The following TNRC18 variants were observed in gnomAD, a reference collection of about 807,000 sequenced individuals.
The protein encoded by TNRC18 is trinucleotide repeat-containing gene 18 protein.
In TNRC18, 69 loss-of-function variants were observed where a neutral mutation model predicts 226.7. That is an observed-to-expected ratio of 0.30 (90% CI 0.25 to 0.37). The LOEUF is 0.37. Among genes scored for constraint, TNRC18 ranks in the 10% least tolerant of loss-of-function variants. TNRC18 has a pLI of 1.00. For missense variants in TNRC18, 4,754 were observed against 4,256.6 expected (o/e 1.12, Z -3.25); for synonymous variants, 2,449 against 1,927.6 (o/e 1.27, Z -7.09).
chr7:5,330,589 A>G (rs1789423684), intron 19 of TNRC18, among the ~76,000 whole-genome samples: 1 of 151,756 alleles, frequency 6.6e-6, no homozygotes. Context: ...CATAGGAGAA[A>G]CCCACTTCAC....
At position 5,345,710 on chromosome 7, in the gene TNRC18, T is replaced by G. The variant is rs772586669; in HGVS notation, c.5571A>C (p.Ser1857=). ...YRLGARERAL[S]PGLEESGLGL... is the part of the protein sequence containing the mutation. ...CCAGCCCACTCTCCTCCAGGCCCGGTGACAGGGCCCGCTCCCGGGCACCCA... is the reference window on the plus strand; with the variant it reads ...CCAGCCCACTCTCCTCCAGGCCCGGGGACAGGGCCCGCTCCCGGGCACCCA... The change falls in exon 18 of 30, where the codon TCA becomes TCC. Residue 1857 remains serine, a synonymous_variant. Transcript: ENST00000430969. The G allele has an allele frequency of 1.1e-5, 17 of 1,548,628 alleles. No individual in the cohort carries two copies. The highest frequency in any genetic ancestry group is 1.4e-5 in the African/African-American group (1 of 72,926).
chr7:5,326,063 C>T (rs1335870636), intron 19 of TNRC18, among the ~76,000 whole-genome samples: 1 of 151,942 alleles, frequency 6.6e-6, no homozygotes, highest in Non-Finnish European at 1.5e-5. Context: ...CTTGTTGCCC[C>T]GTCTGCCCAA....
At chr7:5,393,726 G>A (rs1296279277) in intron 3 of TNRC18, among the ~76,000 whole-genome samples, 1 of 152,192 alleles carries the variant, frequency 6.6e-6, no homozygotes, top group Non-Finnish European at 1.5e-5. Context: ...CCATTCCTTT[G>A]CAGGCAGAAA....
chr7:5,383,171 G>A (rs1292054135), intron 5 of TNRC18, among the ~76,000 whole-genome samples: 3 of 152,202 alleles, frequency 2.0e-5, no homozygotes, highest in African/African-American at 7.2e-5. Flanking sequence ...CCAAAGAGCT[G>A]GGATTACAGG....
chr7:5,324,204 G>C lies in TNRC18; in HGVS notation c.6442+10C>G, dbSNP rs1042028414. 2.5e-6 allele frequency: 4 copies of C among 1,592,990 alleles called. No homozygotes were observed. Among genetic ancestry groups the C allele is most frequent in the Non-Finnish European group, 3.4e-6 (4 of 1,172,532 alleles). On this transcript the variant is annotated intron_variant, in intron 21 of 29. Transcript: ENST00000430969. The surrounding 1 kb of genome is among the most constrained non-coding windows in gnomAD (Gnocchi z 4.8). Reference sequence around the variant, plus strand: ...CCCCGCCCGGCACATGTGGCATCACGGCCACTCACCCGGGGTCAGCGGCCG... The same window carrying C: ...CCCCGCCCGGCACATGTGGCATCACCGCCACTCACCCGGGGTCAGCGGCCG...
intron 18 of TNRC18, 45 bp downstream of exon 18, chr7:5,345,517 G>GGGGGGGGGCCACCCCACCCCC: frequency 2.6e-6 from 1 of 377,744 alleles, no homozygotes; most frequent in African/African-American, 2.2e-5. Flanking sequence ...AATGGCGTCC[G>GGGGGGGGGCCACCCCACCCCC]CCCCTCCCAC....
At chr7:5,359,690 G>A (rs1300451123) in intron 14 of TNRC18, 121 bp from the exon 15 acceptor site, 4 of 1,050,662 alleles carry the variant, frequency 3.8e-6, no homozygotes, top group Admixed American at 2.1e-5. Context: ...TGATGGCAGA[G>A]TGACGGGCGT....
rs532853503 is a variant in TNRC18 at position 5,416,721 on chromosome 7, G to A, written c.187+4339C>T. Among the ~76,000 whole-genome samples, 17 of 151,522 alleles carry A rather than the reference G, an allele frequency of 1.1e-4. No individual in the cohort carries two copies. In the East Asian group the frequency reaches 2.3e-3, roughly 21 times the overall value. On this transcript the variant is annotated intron_variant, in intron 2 of 29. Transcript: ENST00000430969. The stretch of plus-strand genomic sequence containing the variant: ...AAATAAAAAAAATTAGCTGGGTGTC[G>A]CGGCACACACCTGTAATCCCAGCTA...
At chr7:5,380,712 G>A (rs2128185067) in intron 5 of TNRC18, among the ~76,000 whole-genome samples, 1 of 152,342 alleles carries the variant, frequency 6.6e-6, no homozygotes, top group South Asian at 2.1e-4. Context: ...GGCCCTGCCT[G>A]TGGACCTCAC....
At position 5,408,513 on chromosome 7, in the gene TNRC18, C is replaced by G. The variant is rs769178592; in HGVS notation, c.187+12547G>C. The stretch of plus-strand genomic sequence containing the variant: ...AAATATAAAAATTAGCCGGGTGTGG[C>G]AGCGCGTGCAGCTACTCGGGAGGCT... On this transcript the variant is annotated intron_variant, in intron 2 of 29. Coordinates refer to ENST00000430969, the MANE Select transcript of TNRC18 (RefSeq NM_001080495.3). Among the ~76,000 whole-genome samples, 6 of 151,954 alleles carry G rather than the reference C, an allele frequency of 3.9e-5. No homozygotes were observed. The East Asian group carries it at 1.2e-3, about 30-fold the overall frequency.
rs904625447 is a variant in TNRC18 at position 5,389,328 on chromosome 7, A to G, written c.496T>C (p.Tyr166His). ...CCCGGAGCCCCCGCGGTGGGCAGGT[A>G]GAAACCGTCTGCGGAGAAGGGAACA... Reference protein sequence around the residue: ...KGQGPGGDGFYLPTAGAPGSL... With the variant: ...KGQGPGGDGFHLPTAGAPGSL... Residue 166 changes from tyrosine (Y) to histidine (H), a missense_variant, in exon 5 of 30, where the codon TAC (tyrosine) becomes CAC (histidine). Coordinates refer to ENST00000430969, the MANE Select transcript of TNRC18 (RefSeq NM_001080495.3). The G allele has an allele frequency of 7.0e-6, 9 of 1,279,676 alleles. No individual in the cohort carries two copies. The highest frequency in any genetic ancestry group is 5.9e-6 in the Non-Finnish European group (6 of 1,013,472). 79.3% of individuals were successfully genotyped at this position (1,279,676 alleles called of 1,614,324 possible). A position where few individuals can be genotyped will look rare whatever the true frequency, so the allele number is the denominator to read the frequency against.
intron 16 of TNRC18, among the ~76,000 whole-genome samples, chr7:5,352,488 A>G (rs1299586372): frequency 6.6e-6 from 1 of 152,206 alleles, no homozygotes; most frequent in Admixed American, 6.5e-5. Context: ...ACAACCGCAG[A>G]GGACCTGACT....
chr7:5,374,033 G>C, intron 10 of TNRC18, 22 bp downstream of exon 10: 6 of 1,504,926 alleles, frequency 4.0e-6, no homozygotes, highest in African/African-American at 1.4e-5. Context: ...GTGAGACCCT[G>C]AGGGTCTCAG....
rs1780057564 is a variant in TNRC18 at position 5,389,009 on chromosome 7, T to C, written c.815A>G (p.Lys272Arg). The stretch of plus-strand genomic sequence containing the variant: ...TACCGACGGCTGCAGCGCCGCATTC[T>C]TGGTCTTGGACTCAGCCAGGAAGGG... ...LSPFLAESKTKNAALQPSVLT... is the reference protein window; with the variant it reads ...LSPFLAESKTRNAALQPSVLT... Residue 272 changes from lysine (K) to arginine (R), a missense_variant, in exon 5 of 30, where the codon AAG (lysine) becomes AGG (arginine). Transcript: ENST00000430969. 1 of 1,353,260 alleles carries C rather than the reference T, an allele frequency of 7.4e-7. No homozygotes were observed. The highest frequency in any genetic ancestry group is 9.6e-7 in the Non-Finnish European group (1 of 1,044,974). 83.8% of individuals were successfully genotyped at this position (1,353,260 alleles called of 1,614,324 possible).
intron 2 of TNRC18, among the ~76,000 whole-genome samples, chr7:5,402,690 CTAAAAATA>C (rs1008612170): frequency 1.3e-5 from 2 of 151,738 alleles, no homozygotes; most frequent in African/African-American, 4.8e-5. Flanking sequence ...CGCATCTCTA[CTAAAAATA>C]TAAAAACTAG....
intron 15 of TNRC18, 138 bp from the exon 16 acceptor site, chr7:5,357,414 ATT>A: frequency 2.0e-6 from 2 of 985,016 alleles, no homozygotes; most frequent in South Asian, 2.1e-5. Context: ...ACGCATATAT[ATT>A]TATTTTTTTT....
chr7:5,356,179 AAAAAAG>A (rs1395129173), intron 16 of TNRC18, among the ~76,000 whole-genome samples: 1 of 146,210 alleles, frequency 6.8e-6, no homozygotes, highest in Non-Finnish European at 1.5e-5. Context: ...AAAAAAAAAA[AAAAAAG>A]AAAGAAAATA....
At position 5,313,781 on chromosome 7, in the gene TNRC18, T is replaced by C; in HGVS notation, c.7110A>G (p.Pro2370=). 1 of 1,541,484 alleles carries C rather than the reference T, an allele frequency of 6.5e-7. No homozygotes were observed. The highest frequency in any genetic ancestry group is 8.7e-7 in the Non-Finnish European group (1 of 1,145,072). The change falls in exon 27 of 30, where the codon CCA becomes CCG. Residue 2370 remains proline, a synonymous_variant. Coordinates refer to ENST00000430969, the MANE Select transcript of TNRC18 (RefSeq NM_001080495.3). ...TPLALEPSST[P]GSKKSPPEPV... The stretch of plus-strand genomic sequence containing the variant: ...GCTCTGGGGGGCTCTTCTTGGAACC[T>C]GGGGTGCTGCTCGGCTCCAGGGCTA...
At position 5,370,979 on chromosome 7, in the gene TNRC18, C is replaced by G. The variant is rs766742525; in HGVS notation, c.3615G>C (p.Ala1205=). The G allele has an allele frequency of 5.6e-6, 9 of 1,605,848 alleles. No homozygotes were observed. The highest frequency in any genetic ancestry group is 7.6e-6 in the Non-Finnish European group (9 of 1,179,726). ...GCGGGLLEAQ[A]LSATGQSCAE... Reference sequence around the variant, plus strand: ...CGCAGCTCTGCCCGGTGGCACTCAGCGCCTGGGCCTCCAACAGGCCACCTC... The same window carrying G: ...CGCAGCTCTGCCCGGTGGCACTCAGGGCCTGGGCCTCCAACAGGCCACCTC... The change falls in exon 11 of 30, where the codon GCG becomes GCC. Residue 1205 remains alanine, a synonymous_variant. Transcript: ENST00000430969.
Sources: gnomAD v4.1 joint callset for allele counts (sites outside exome capture counted in the v4.1 genomes callset) on GRCh38, gnomAD v4.1.1 for gene constraint, Gnocchi (gnomAD v3.1) non-coding constraint, MANE v1.5 for transcripts, NCBI Gene and HGNC (gene_info 2026-07-23, HGNC 2026-07-21) for gene names.